The following ASTN2 variants were observed in gnomAD, a reference collection of about 807,000 sequenced individuals.
ASTN2 encodes astrotactin 2.
In ASTN2, 54 loss-of-function variants were observed where a neutral mutation model predicts 139.8. That is an observed-to-expected ratio of 0.39 (90% CI 0.31 to 0.48). ASTN2 has a LOEUF of 0.48. ASTN2 is among the 20% of genes least tolerant of loss of function. The pLI is 0.95. For synonymous variants in ASTN2, 756 were observed against 719.5 expected, an observed-to-expected ratio of 1.05 and a Z score of -0.81; for missense variants, 1,565 against 1,725.1, an observed-to-expected ratio of 0.91 and a Z score of 1.64.
intron 5 of ASTN2, among the ~76,000 whole-genome samples, chr9:117,081,212 C>A (rs1239499018): frequency 6.6e-6 from 1 of 152,216 alleles, no homozygotes; most frequent in African/African-American, 2.4e-5. Flanking sequence ...CCTGAATCCA[C>A]TTGTCCTGCA....
chr9:117,279,552 G>A (rs1032177765), intron 2 of ASTN2, among the ~76,000 whole-genome samples: 3 of 152,160 alleles, frequency 2.0e-5, no homozygotes, highest in Admixed American at 1.3e-4. Context: ...TACAAGTTAC[G>A]TGGTGAGGCC....
At chr9:117,080,252 G>A (rs565839032) in intron 5 of ASTN2, among the ~76,000 whole-genome samples, 1 of 152,158 alleles carries the variant, frequency 6.6e-6, no homozygotes, top group Non-Finnish European at 1.5e-5. Context: ...AGTAATTATT[G>A]TGGTTTGTAA....
At chr9:116,585,096 G>T (rs990878992) in intron 19 of ASTN2, 1 of 152,186 alleles carries the variant, frequency 6.6e-6, no homozygotes, top group Non-Finnish European at 1.5e-5. Context: ...CAAGCACTGT[G>T]CTGGGCATAA....
chr9:117,001,681 C>T (rs929715028), intron 7 of ASTN2, among the ~76,000 whole-genome samples: 2 of 152,138 alleles, frequency 1.3e-5, no homozygotes, highest in African/African-American at 4.8e-5. Flanking sequence ...CTCATAGTCC[C>T]TATTGATTTT....
chr9:116,913,033 A>G (rs555895283), intron 10 of ASTN2, among the ~76,000 whole-genome samples: 18 of 152,162 alleles, frequency 1.2e-4, no homozygotes, highest in African/African-American at 4.1e-4. Context: ...CCTCCCAGGT[A>G]GCTGGGACTC....
intron 3 of ASTN2, among the ~76,000 whole-genome samples, chr9:117,176,257 G>A (rs967108376): frequency 1.3e-5 from 2 of 151,996 alleles, no homozygotes; most frequent in Admixed American, 1.3e-4. Flanking sequence ...AGTGTGGTAA[G>A]ATAAAAAATT....
At chr9:117,359,227 CCAT>C (rs1224506054) in intron 1 of ASTN2, among the ~76,000 whole-genome samples, 1 of 152,052 alleles carries the variant, frequency 6.6e-6, no homozygotes, top group Non-Finnish European at 1.5e-5. Context: ...CTCAGAGTCC[CCAT>C]CTGTAAAATG....
At chr9:116,718,970 C>CTGTGTGTG (rs763759739) in intron 16 of ASTN2, among the ~76,000 whole-genome samples, 3 of 25,958 alleles carry the variant, frequency 1.2e-4, no homozygotes, top group African/African-American at 4.2e-4. Context: ...ATACCTGTAT[C>CTGTGTGTG]TGTACATATA....
At chr9:116,635,237 T>C (rs192966968) in intron 17 of ASTN2, among the ~76,000 whole-genome samples, 1 of 152,324 alleles carries the variant, frequency 6.6e-6, no homozygotes, top group Non-Finnish European at 1.5e-5. Context: ...TGGGTGCTCA[T>C]ATTACTCCCA....
intron 4 of ASTN2, among the ~76,000 whole-genome samples, chr9:117,134,669 C>T (rs1829908969): frequency 6.6e-6 from 1 of 152,122 alleles, no homozygotes; most frequent in Admixed American, 6.6e-5. Context: ...TAATGCATTA[C>T]TTAGGATTAC....
chr9:117,317,227 T>A (rs535422879), intron 1 of ASTN2, among the ~76,000 whole-genome samples: 1 of 152,154 alleles, frequency 6.6e-6, no homozygotes, highest in African/African-American at 2.4e-5. Context: ...TTATGTTGAA[T>A]AGCTTTGCAC....
intron 5 of ASTN2, among the ~76,000 whole-genome samples, chr9:117,094,179 GGAGGGAGGAGAGGA>G (rs1828780855): frequency 9.5e-6 from 1 of 105,778 alleles, no homozygotes; most frequent in Admixed American, 9.5e-5. Flanking sequence ...AGGAAGGGAG[GGAGGGAGGAGAGGA>G]GAGGAGAGGA....
In ASTN2 at chr9:116,945,966, AG is replaced by A. The variant is rs200303445; in HGVS notation, c.1889+29241del. Among the ~76,000 whole-genome samples, 1,357 of 152,346 alleles carry A rather than the reference AG, an allele frequency of 8.9e-3. 29 individuals carry two copies. The highest frequency in any genetic ancestry group is 0.031 in the African/African-American group (1,286 of 41,592). The stretch of plus-strand genomic sequence containing the variant: ...TTAGGAAACTTACAATCATTGCAAA[AG>A]GCAAAGGGGAAGCAAGGTCCTCCTT... On this transcript the variant is annotated intron_variant, in intron 10 of 22. Transcript: ENST00000313400.
chr9:116,710,220 C>G (rs1382839991), intron 16 of ASTN2, among the ~76,000 whole-genome samples: 3 of 152,120 alleles, frequency 2.0e-5, no homozygotes, highest in South Asian at 2.1e-4. Flanking sequence ...CCTGCTTTCT[C>G]AAACCATGTT....
intron 5 of ASTN2, among the ~76,000 whole-genome samples, chr9:117,065,626 A>G (rs1827912632): frequency 6.6e-6 from 1 of 152,216 alleles, no homozygotes; most frequent in Admixed American, 6.5e-5. Flanking sequence ...CCAATCATAC[A>G]TTTGGTCCAT....
intron 20 of ASTN2, among the ~76,000 whole-genome samples, chr9:116,477,593 T>C (rs1334896437): frequency 6.6e-6 from 1 of 150,784 alleles, no homozygotes; most frequent in Non-Finnish European, 1.5e-5. Context: ...GAGAGAAAAA[T>C]GCACAGGAGG....
chr9:116,976,677 G>C, intron 8 of ASTN2, 24 bp downstream of exon 8: 1 of 1,611,890 alleles, frequency 6.2e-7, no homozygotes, highest in Non-Finnish European at 8.5e-7. Flanking sequence ...CACTGTCCTG[G>C]ACCTGATGCC....
At chr9:117,100,500 A>G (rs1195549556) in intron 4 of ASTN2, among the ~76,000 whole-genome samples, 1 of 152,272 alleles carries the variant, frequency 6.6e-6, no homozygotes, top group African/African-American at 2.4e-5. Context: ...AAATTAACAT[A>G]AAGTTATTAC....
intron 13 of ASTN2, among the ~76,000 whole-genome samples, chr9:116,763,457 A>G (rs1829726359): frequency 6.6e-6 from 1 of 152,152 alleles, no homozygotes; most frequent in Non-Finnish European, 1.5e-5. Context: ...CCCGAAAACC[A>G]TCTTCAAATA....
Sources: gnomAD v4.1 joint callset for allele counts (sites outside exome capture counted in the v4.1 genomes callset) on GRCh38, gnomAD v4.1.1 for gene constraint, MANE v1.5 for transcripts, NCBI Gene and HGNC (gene_info 2026-07-23, HGNC 2026-07-21) for gene names.